Variants in CFAP20DC observed in about 807,000 individuals in gnomAD.
CFAP20DC encodes the protein CFAP20 domain containing, also known as protein CFAP20DC.
A neutral mutation model predicts 101.7 loss-of-function variants in CFAP20DC; 84 were observed. That is an observed-to-expected ratio of 0.83 (90% CI 0.69 to 0.99). CFAP20DC has a LOEUF of 0.99. Ranked by LOEUF, CFAP20DC falls within the 50% of genes least tolerant of loss-of-function variation. The pLI, the probability that CFAP20DC is intolerant of heterozygous loss-of-function variation, is 0.00. For missense variants in CFAP20DC, 1,007 were observed against 970.3 expected (o/e 1.04, Z -0.50); for synonymous variants, 359 against 351.2 (o/e 1.02, Z -0.25).
rs1486430697 is a variant in CFAP20DC, at chr3:59,007,661, G to A, written c.278+31896C>T. Among the ~76,000 whole-genome samples, 1 of 152,140 alleles carries A rather than the reference G, an allele frequency of 6.6e-6. No individual in the cohort carries two copies. Among genetic ancestry groups the A allele is most frequent in the Non-Finnish European group, 1.5e-5 (1 of 68,024 alleles). Reference sequence around the variant, plus strand: ...AGAGCAGGTGCTGGTATCATGGCTGGGAGACCTGACGACAGATCACATCAC... The same window carrying A: ...AGAGCAGGTGCTGGTATCATGGCTGAGAGACCTGACGACAGATCACATCAC... On this transcript the variant is annotated intron_variant, in intron 4 of 16. Coordinates refer to ENST00000482387, the MANE Select transcript of CFAP20DC (RefSeq NM_001394063.1). The surrounding 1 kb of genome is among the most constrained non-coding windows in gnomAD (Gnocchi z 4.4).
chr3:58,836,057 G>T (rs1248024110), intron 13 of CFAP20DC, among the ~76,000 whole-genome samples: 1 of 152,290 alleles, frequency 6.6e-6, no homozygotes, highest in African/African-American at 2.4e-5. Flanking sequence ...GCTGTGCTCA[G>T]ATTCGCAGGC....
chr3:58,972,991 T>C (rs1171753277), intron 4 of CFAP20DC, among the ~76,000 whole-genome samples: 2 of 152,216 alleles, frequency 1.3e-5, no homozygotes, highest in African/African-American at 4.8e-5. Flanking sequence ...GATTTACATA[T>C]TATTTAAACA....
chr3:58,749,242 T>C (rs1428764099), intron 16 of CFAP20DC, among the ~76,000 whole-genome samples: 1 of 152,020 alleles, frequency 6.6e-6, no homozygotes, highest in Non-Finnish European at 1.5e-5. Context: ...GATACCAGAG[T>C]TGTTCAGCAA....
chr3:58,909,730 A>G (rs958908500), intron 6 of CFAP20DC, among the ~76,000 whole-genome samples: 3 of 152,110 alleles, frequency 2.0e-5, no homozygotes, highest in African/African-American at 7.2e-5. Flanking sequence ...ATTAAGTTTA[A>G]TTTAATTTTA....
In CFAP20DC at chr3:58,874,708, G is replaced by T. The variant is rs114552914; in HGVS notation, c.716-4399C>A. 2.0e-3 allele frequency among the ~76,000 whole-genome samples: 310 copies of T among 152,184 alleles called. 3 individuals carry two copies. The highest frequency in any genetic ancestry group is 7.3e-3 in the African/African-American group (303 of 41,512). On this transcript the variant is annotated intron_variant, in intron 7 of 16. Coordinates refer to ENST00000482387, the MANE Select transcript of CFAP20DC (RefSeq NM_001394063.1). This position sits in a 1 kb window ranked among gnomAD's most constrained non-coding sequence, Gnocchi z 5.1. ...GTCTTTGCAGACCTTTCTGATTAGG[G>T]TAAGTTCCTCCAATATAGGCTCTTC...
intron 6 of CFAP20DC, among the ~76,000 whole-genome samples, chr3:58,885,020 G>C (rs562917567): frequency 2.3e-4 from 35 of 152,236 alleles, no homozygotes; most frequent in African/African-American, 7.5e-4. Context: ...GGTGTGACTT[G>C]AGAGAACTAG....
intron 10 of CFAP20DC, among the ~76,000 whole-genome samples, chr3:58,867,269 A>G (rs1202865393): frequency 6.6e-6 from 1 of 152,204 alleles, no homozygotes; most frequent in African/African-American, 2.4e-5. Flanking sequence ...ATATGTGTAT[A>G]CTAATCTACA....
chr3:58,896,157 C>A (rs998576285), intron 6 of CFAP20DC, among the ~76,000 whole-genome samples: 1 of 152,182 alleles, frequency 6.6e-6, no homozygotes, highest in Non-Finnish European at 1.5e-5. Context: ...TCCATTTCTA[C>A]TGGATTTTCT....
chr3:58,961,622 A>G (rs1353109656), intron 4 of CFAP20DC, among the ~76,000 whole-genome samples: 1 of 152,158 alleles, frequency 6.6e-6, no homozygotes, highest in Non-Finnish European at 1.5e-5. Context: ...GACATTTGAT[A>G]TATTTCAACA....
chr3:58,935,502 C>T (rs1040963196), intron 5 of CFAP20DC, among the ~76,000 whole-genome samples: 1 of 151,740 alleles, frequency 6.6e-6, no homozygotes, highest in Non-Finnish European at 1.5e-5. Flanking sequence ...CTGGAGGTAT[C>T]GCGCTACCTG....
chr3:58,816,209 A>T (rs1301159001), intron 14 of CFAP20DC, among the ~76,000 whole-genome samples: 1 of 152,102 alleles, frequency 6.6e-6, no homozygotes. Context: ...TGTCCTTTGT[A>T]GGGACATGGA....
At chr3:58,790,092 G>C (rs2072725166) in intron 15 of CFAP20DC, among the ~76,000 whole-genome samples, 1 of 152,048 alleles carries the variant, frequency 6.6e-6, no homozygotes, top group Admixed American at 6.6e-5. Flanking sequence ...ACAAATCATA[G>C]CTGTATGGCT....
intron 16 of CFAP20DC, 72 bp from the exon 17 acceptor site, chr3:58,742,644 G>T: frequency 9.2e-7 from 1 of 1,089,996 alleles, no homozygotes; most frequent in African/African-American, 1.6e-5. Flanking sequence ...GGGCAACGAA[G>T]CAGGAATCAC....
rs531603730 is a variant in CFAP20DC, at chr3:58,724,998, C to G, written c.198-7370G>C. Among the ~76,000 whole-genome samples, 25 of 152,252 alleles carry G rather than the reference C, an allele frequency of 1.6e-4. 1 individual carries two copies. The South Asian group carries it at 4.6e-3, about 28-fold the overall frequency. ...ATTACTTTGGAGGGGACCACCGAAC[C>G]AGTAAACATTTGGGTTATGTTGATA... On this transcript the variant is annotated intron_variant, in intron 3 of 3. Coordinates refer to the CFAP20DC transcript ENST00000486145. This position sits in a 1 kb window ranked among gnomAD's most constrained non-coding sequence, Gnocchi z 5.6.
At chr3:58,995,040 C>A (rs2093068916) in intron 4 of CFAP20DC, among the ~76,000 whole-genome samples, 1 of 152,108 alleles carries the variant, frequency 6.6e-6, no homozygotes. Context: ...TCAAATGGTT[C>A]TTTTCTGTTT....
At chr3:58,731,511 C>G (rs1006176222) in intron 3 of CFAP20DC, among the ~76,000 whole-genome samples, 3 of 152,088 alleles carry the variant, frequency 2.0e-5, no homozygotes, top group Non-Finnish European at 2.9e-5. Flanking sequence ...ATAAAAACAC[C>G]AGGGGAATGG....
intron 14 of CFAP20DC, among the ~76,000 whole-genome samples, chr3:58,827,505 T>A (rs1170576727): frequency 6.6e-6 from 1 of 151,818 alleles, no homozygotes; most frequent in Non-Finnish European, 1.5e-5. Context: ...TAAGAGGAGG[T>A]TATCTTGCTA....
chr3:58,824,337 C>G (rs932505283), intron 14 of CFAP20DC: 1 of 152,098 alleles, frequency 6.6e-6, no homozygotes, highest in Non-Finnish European at 1.5e-5. Context: ...TGCAAAAACG[C>G]TGATATGCTG....
chr3:58,760,007 T>G (rs1457913435), intron 15 of CFAP20DC, among the ~76,000 whole-genome samples: 1 of 152,228 alleles, frequency 6.6e-6, no homozygotes, highest in Non-Finnish European at 1.5e-5. Context: ...AGGATTGACT[T>G]GGCAATGCGG....
Sources: gnomAD v4.1 joint callset for allele counts (sites outside exome capture counted in the v4.1 genomes callset) on GRCh38, gnomAD v4.1.1 for gene constraint, Gnocchi (gnomAD v3.1) non-coding constraint, MANE v1.5 for transcripts, NCBI Gene and HGNC (gene_info 2026-07-23, HGNC 2026-07-21) for gene names.